NLGN4X: variants seen among roughly 807,000 people sequenced by gnomAD.
The protein encoded by NLGN4X is neuroligin-4, X-linked.
A neutral mutation model predicts 40.3 loss-of-function variants in NLGN4X; 3 were observed. The ratio of observed to expected loss-of-function variants is 0.07; its 90% confidence interval spans 0.03 to 0.19. NLGN4X has a LOEUF of 0.19. NLGN4X is among the 10% of genes least tolerant of loss of function. The probability of loss-of-function intolerance (pLI) is 1.00; values close to 1 mark genes in which losing one functional copy is unlikely to be tolerated. For missense variants in NLGN4X, 382 were observed against 708.3 expected, an observed-to-expected ratio of 0.54 and a Z score of 5.23; for synonymous variants, 270 against 306.8, an observed-to-expected ratio of 0.88 and a Z score of 1.25.
intron 2 of NLGN4X, among the ~76,000 whole-genome samples, chrX:6,056,116 C>A (rs1352011263): frequency 8.9e-6 from 1 of 112,136 alleles, no homozygotes; most frequent in East Asian, 2.8e-4. Flanking sequence ...TTTAACTGGA[C>A]AATTTCATGC....
intron 3 of NLGN4X, among the ~76,000 whole-genome samples, chrX:5,997,272 G>A (rs1236833889): frequency 9.5e-6 from 1 of 105,670 alleles, no homozygotes; most frequent in Non-Finnish European, 1.9e-5. Flanking sequence ...TAATTTTTAT[G>A]TTTTATACAT....
chrX:6,108,798 C>G (rs767304187), intron 2 of NLGN4X, among the ~76,000 whole-genome samples: 2 of 110,794 alleles, frequency 1.8e-5, no homozygotes, highest in Non-Finnish European at 3.8e-5. Context: ...TCAATCCCTG[C>G]TCATCTCTCA....
At chrX:6,088,912 T>C (rs1270051473) in intron 2 of NLGN4X, among the ~76,000 whole-genome samples, 1 of 111,952 alleles carries the variant, frequency 8.9e-6, no homozygotes, top group Non-Finnish European at 1.9e-5. Flanking sequence ...TTGACCATTT[T>C]TTTCCTTGCA....
At chrX:6,225,074 T>C (rs1165744344) in intron 1 of NLGN4X, among the ~76,000 whole-genome samples, 2 of 93,600 alleles carry the variant, frequency 2.1e-5, no homozygotes, top group Non-Finnish European at 4.2e-5. Flanking sequence ...TATACACACA[T>C]ACACACACAC....
intron 1 of NLGN4X, among the ~76,000 whole-genome samples, chrX:6,211,937 A>T (rs1924640119): frequency 8.9e-6 from 1 of 111,777 alleles, no homozygotes; most frequent in African/African-American, 3.3e-5. Context: ...AGAAAAAAAA[A>T]CATCCTGCCC....
chrX:6,141,611 G>T (rs1424075318), intron 2 of NLGN4X, among the ~76,000 whole-genome samples: 3 of 110,977 alleles, frequency 2.7e-5, no homozygotes, highest in African/African-American at 9.8e-5. Context: ...ATCACCTGAG[G>T]TCAGGAGTTT....
chrX:6,126,330 A>G (rs754010114), intron 2 of NLGN4X, among the ~76,000 whole-genome samples: 60 of 111,538 alleles, frequency 5.4e-4, no homozygotes, highest in Non-Finnish European at 1.0e-3. Context: ...TCATCCTCGC[A>G]CTGGACGTCA....
At chrX:6,192,381 G>A (rs902708349) in intron 1 of NLGN4X, among the ~76,000 whole-genome samples, 1 of 111,549 alleles carries the variant, frequency 9.0e-6, no homozygotes, top group Non-Finnish European at 1.9e-5. Flanking sequence ...TCCCTCCTCA[G>A]CCTCCCAACG....
At chrX:5,994,608 T>A (rs1482678845) in intron 3 of NLGN4X, among the ~76,000 whole-genome samples, 1 of 112,077 alleles carries the variant, frequency 8.9e-6, no homozygotes, top group Non-Finnish European at 1.9e-5. Flanking sequence ...AACAATTTCA[T>A]GTATCTTTCA....
At chrX:5,900,228 T>C (rs993727786) in intron 5 of NLGN4X, among the ~76,000 whole-genome samples, 1 of 112,239 alleles carries the variant, frequency 8.9e-6, no homozygotes, top group Non-Finnish European at 1.9e-5. Context: ...ACTGCAGATA[T>C]GACTATTTAT....
intron 3 of NLGN4X, among the ~76,000 whole-genome samples, chrX:5,932,297 A>G (rs1047290493): frequency 8.9e-6 from 1 of 112,190 alleles, no homozygotes; most frequent in African/African-American, 3.2e-5. Flanking sequence ...TAGAAGAAAC[A>G]TAGACTTGGG....
intron 2 of NLGN4X, among the ~76,000 whole-genome samples, chrX:6,035,431 T>G (rs984174231): frequency 8.9e-6 from 1 of 111,938 alleles, no homozygotes; most frequent in Non-Finnish European, 1.9e-5. Context: ...TCCTAAAAGT[T>G]TAAGAGCTTT....
chrX:6,226,459 A>AC (rs1926339400), intron 1 of NLGN4X, among the ~76,000 whole-genome samples: 1 of 107,849 alleles, frequency 9.3e-6, no homozygotes, highest in South Asian at 4.1e-4. Context: ...GGTTGGCCTG[A>AC]CCCCCCTGCT....
intron 1 of NLGN4X, among the ~76,000 whole-genome samples, chrX:6,170,644 A>T (rs1400436840): frequency 1.8e-5 from 2 of 112,282 alleles, no homozygotes; most frequent in East Asian, 5.6e-4. Flanking sequence ...CCAACATACA[A>T]CATCCCATGA....
At chrX:6,102,879 C>T (rs1030120785) in intron 2 of NLGN4X, among the ~76,000 whole-genome samples, 1 of 111,361 alleles carries the variant, frequency 9.0e-6, no homozygotes, top group Non-Finnish European at 1.9e-5. Context: ...TGTAGAGACA[C>T]TACTTATCAG....
chrX:6,085,459 A>G (rs7053243), intron 2 of NLGN4X, among the ~76,000 whole-genome samples: 52,240 of 110,316 alleles, frequency 0.47, 9,048 homozygotes, highest in Admixed American at 0.51. Context: ...TTCAATAAAG[A>G]AGGTCAAGGA....
chrX:6,102,377 T>A (rs1479499484), intron 2 of NLGN4X, among the ~76,000 whole-genome samples: 1 of 111,187 alleles, frequency 9.0e-6, no homozygotes, highest in Non-Finnish European at 1.9e-5. Context: ...AATGAGGTCA[T>A]GACAGTGGAG....
chrX:6,191,520 G>A (rs1017839293), intron 1 of NLGN4X, among the ~76,000 whole-genome samples: 4 of 111,854 alleles, frequency 3.6e-5, no homozygotes, highest in Admixed American at 1.9e-4. Context: ...TTCGAGACCA[G>A]CCTGGTCAAC....
At chrX:6,224,980 A>G (rs1304345152) in intron 1 of NLGN4X, among the ~76,000 whole-genome samples, 1 of 9,441 alleles carries the variant, frequency 1.1e-4, no homozygotes, top group East Asian at 9.7e-3. Context: ...AAATGGCCAT[A>G]TATATATATA....
Sources: allele counts gnomAD v4.1 joint callset (sites outside exome capture counted in the v4.1 genomes callset), GRCh38; gene constraint gnomAD v4.1.1; transcripts MANE v1.5; gene names NCBI Gene and HGNC (gene_info 2026-07-23, HGNC 2026-07-21).